Variants in CCDC60 observed in about 807,000 individuals in gnomAD.
CCDC60 encodes the protein coiled-coil domain-containing protein 60.
Under a neutral mutation model 63.5 loss-of-function variants are expected in CCDC60, and 54 were observed. The observed-to-expected ratio is 0.85, with a 90% CI of 0.68 to 1.07. CCDC60 has a LOEUF of 1.07. CCDC60 is among the 50% of genes least tolerant of loss of function. CCDC60 has a pLI of 0.00. For synonymous variants in CCDC60, 206 were observed against 238.8 expected (o/e 0.86, Z 1.27); for missense variants, 651 against 684.3 (o/e 0.95, Z 0.54).
chr12:119,457,716 C>G (rs184149988), intron 2 of CCDC60, among the ~76,000 whole-genome samples: 1 of 150,322 alleles, frequency 6.7e-6, no homozygotes, highest in Non-Finnish European at 1.5e-5. Context: ...TGGTGGTTGG[C>G]GGGGGGGAGA....
At position 119,456,060 on chromosome 12, in the gene CCDC60, A is replaced by AAAGAAAGAAAGAAAGC. The variant is rs1224088473; in HGVS notation, c.171-15931_171-15930insAAAGAAAGAAAGCAAG. Among the ~76,000 whole-genome samples, 9 of 118,874 alleles carry AAAGAAAGAAAGAAAGC rather than the reference A, an allele frequency of 7.6e-5. No homozygotes were observed. Among genetic ancestry groups the AAAGAAAGAAAGAAAGC allele is most frequent in the Non-Finnish European group, 1.1e-4 (6 of 56,398 alleles). 78.0% of individuals were successfully genotyped at this position (118,874 alleles called of 152,430 possible). On this transcript the variant is annotated intron_variant, in intron 2 of 13. Coordinates refer to ENST00000327554, the MANE Select transcript of CCDC60 (RefSeq NM_178499.5). The surrounding 1 kb of genome is among the most constrained non-coding windows in gnomAD (Gnocchi z 4.6). ...GAAAGAAAGAAAGAAAGAAAGAAAG[A>AAAGAAAGAAAGAAAGC]AAGCAAGCAAGCATGTGCAATTTCA...
intron 2 of CCDC60, chr12:119,433,591 C>T (rs1373261711): frequency 2.8e-6 from 2 of 702,388 alleles, no homozygotes; most frequent in South Asian, 3.0e-5. Context: ...CACAAACTCC[C>T]TGACCCCATA....
intron 2 of CCDC60, among the ~76,000 whole-genome samples, chr12:119,451,500 G>A (rs1950635620): frequency 6.6e-6 from 1 of 152,088 alleles, no homozygotes; most frequent in South Asian, 2.1e-4. Context: ...CAAAATGGGG[G>A]CTTGGGGCTT....
At chr12:119,371,191 C>T (rs962120945) in intron 1 of CCDC60, among the ~76,000 whole-genome samples, 1 of 152,116 alleles carries the variant, frequency 6.6e-6, no homozygotes, top group Non-Finnish European at 1.5e-5. Flanking sequence ...GACTTGATTC[C>T]TTCTATAGGA....
intron 11 of CCDC60, among the ~76,000 whole-genome samples, chr12:119,527,293 CA>C (rs1322749463): frequency 6.6e-6 from 1 of 151,440 alleles, no homozygotes; most frequent in Non-Finnish European, 1.5e-5. Flanking sequence ...GGGGGAGGAG[CA>C]AAAAAATAAC....
intron 2 of CCDC60, among the ~76,000 whole-genome samples, chr12:119,457,552 G>T (rs1950770668): frequency 6.6e-6 from 1 of 152,234 alleles, no homozygotes; most frequent in African/African-American, 2.4e-5. Context: ...TCAATTTGCT[G>T]TATACACAAT....
intron 1 of CCDC60, among the ~76,000 whole-genome samples, chr12:119,386,271 T>C (rs554269067): frequency 6.6e-6 from 1 of 152,312 alleles, no homozygotes; most frequent in East Asian, 1.9e-4. Flanking sequence ...TTCTCATTTA[T>C]TTCAGACAAC....
At chr12:119,517,246 G>A (rs753207357) in intron 8 of CCDC60, among the ~76,000 whole-genome samples, 4 of 151,936 alleles carry the variant, frequency 2.6e-5, no homozygotes, top group East Asian at 1.9e-4. Context: ...CTCCCACCTC[G>A]GCCTCCCAAA....
chr12:119,502,234 T>A (rs889407116), intron 6 of CCDC60, among the ~76,000 whole-genome samples: 5 of 152,186 alleles, frequency 3.3e-5, no homozygotes, highest in Admixed American at 2.0e-4. Flanking sequence ...CCAGAGCTTA[T>A]CATTTTCAAA....
At position 119,498,629 on chromosome 12, in the gene CCDC60, C is replaced by T. The variant is rs565635908; in HGVS notation, c.558-1449C>T. ...TGGGATTACAGGCATGAGCCCGGTTCGTCTTCTTATTTCAAGTTCCTGCTC... is the reference window on the plus strand; with the variant it reads ...TGGGATTACAGGCATGAGCCCGGTTTGTCTTCTTATTTCAAGTTCCTGCTC... On this transcript the variant is annotated intron_variant, in intron 5 of 13. Transcript: ENST00000327554. Among the ~76,000 whole-genome samples, 10 of 152,222 alleles carry T rather than the reference C, an allele frequency of 6.6e-5. No homozygotes were observed. In the East Asian group the frequency reaches 1.5e-3, roughly 24 times the overall value.
chr12:119,513,152 G>C (rs2136461451), intron 7 of CCDC60, among the ~76,000 whole-genome samples: 1 of 152,256 alleles, frequency 6.6e-6, no homozygotes, highest in East Asian at 1.9e-4. Context: ...CCACGTTAGG[G>C]AGTGGGAAGA....
chr12:119,507,602 ATATATATATATAT>A (rs1566050709), intron 7 of CCDC60, among the ~76,000 whole-genome samples: 87 of 23,824 alleles, frequency 3.7e-3, no homozygotes, highest in South Asian at 0.019. Flanking sequence ...ATATATATAT[ATATATATATATAT>A]TTTTTTTTTT....
chr12:119,489,593 T>C (rs1951536910), intron 5 of CCDC60, among the ~76,000 whole-genome samples: 1 of 152,184 alleles, frequency 6.6e-6, no homozygotes, highest in Non-Finnish European at 1.5e-5. Context: ...CAGACAGGCA[T>C]GTAAAGGCAT....
chr12:119,375,047 C>T (rs949166088), intron 1 of CCDC60, among the ~76,000 whole-genome samples: 1 of 152,136 alleles, frequency 6.6e-6, no homozygotes, highest in East Asian at 1.9e-4. Flanking sequence ...TCCTGCCAAC[C>T]GCCTATCTTT....
chr12:119,456,023 G>GAA lies in CCDC60; in HGVS notation c.171-15969_171-15968dup, dbSNP rs1344240141. ...AAAGAGAAAGAAAGAAAGAAAGAAA[G>GAA]AAAGAAAGAAAGAAAGAAAGAAAGA... On this transcript the variant is annotated intron_variant, in intron 2 of 13. Transcript: ENST00000327554. This position sits in a 1 kb window ranked among gnomAD's most constrained non-coding sequence, Gnocchi z 4.6. 1.5e-5 allele frequency among the ~76,000 whole-genome samples: 2 copies of GAA among 129,656 alleles called. No individual in the cohort carries two copies. Among genetic ancestry groups the GAA allele is most frequent in the African/African-American group, 3.0e-5 (1 of 33,110 alleles). 85.1% of individuals were successfully genotyped at this position (129,656 alleles called of 152,430 possible).
At chr12:119,540,559 GT>G in intron 13 of CCDC60, 54 bp from the exon 14 acceptor site, 1 of 1,236,110 alleles carries the variant, frequency 8.1e-7, no homozygotes, top group Non-Finnish European at 1.2e-6. Flanking sequence ...GGGAGAGAAG[GT>G]GGAGTCTACT....
intron 1 of CCDC60, among the ~76,000 whole-genome samples, chr12:119,407,895 G>C (rs1431341892): frequency 6.6e-6 from 1 of 152,190 alleles, no homozygotes; most frequent in Non-Finnish European, 1.5e-5. Flanking sequence ...GTCTCCTGTG[G>C]TAGTTCAGTT....
intron 1 of CCDC60, among the ~76,000 whole-genome samples, chr12:119,389,935 GA>G (rs1241589419): frequency 6.6e-6 from 1 of 152,184 alleles, no homozygotes; most frequent in East Asian, 1.9e-4. Flanking sequence ...GCATCAGGAA[GA>G]CACCCTGACT....
At chr12:119,348,814 T>C (rs1408523865) in intron 1 of CCDC60, among the ~76,000 whole-genome samples, 1 of 152,214 alleles carries the variant, frequency 6.6e-6, no homozygotes. Flanking sequence ...TAAATCATCA[T>C]TCTCTCAAGG....
Sources: gnomAD v4.1 joint callset for allele counts (sites outside exome capture counted in the v4.1 genomes callset) on GRCh38, gnomAD v4.1.1 for gene constraint, Gnocchi (gnomAD v3.1) non-coding constraint, MANE v1.5 for transcripts, NCBI Gene and HGNC (gene_info 2026-07-23, HGNC 2026-07-21) for gene names.